Variants in MAPRE1 observed in about 807,000 individuals in gnomAD.
MAPRE1 encodes the protein microtubule-associated protein RP/EB family member 1.
MAPRE1 carries 5 observed loss-of-function variants against 32.1 expected under a neutral mutation model. That is an observed-to-expected ratio of 0.16 (90% CI 0.08 to 0.33). MAPRE1 has a LOEUF of 0.33. MAPRE1 is among the 10% of genes least tolerant of loss of function. The probability of loss-of-function intolerance (pLI) is 1.00; values close to 1 mark genes in which losing one functional copy is unlikely to be tolerated. For synonymous variants in MAPRE1, 122 were observed against 118.9 expected (o/e 1.03, Z -0.17); for missense variants, 209 against 327.2 (o/e 0.64, Z 2.79).
chr20:32,825,611 A>G (rs917909903), intron 1 of MAPRE1, among the ~76,000 whole-genome samples: 1 of 152,156 alleles, frequency 6.6e-6, no homozygotes, highest in Non-Finnish European at 1.5e-5. Context: ...CCTGGCCAAC[A>G]TGGTGAAACC....
At chr20:32,841,558 T>C (rs542097026) in intron 5 of MAPRE1, among the ~76,000 whole-genome samples, 1 of 151,914 alleles carries the variant, frequency 6.6e-6, no homozygotes, top group East Asian at 1.9e-4. Flanking sequence ...GCTGGTGCAC[T>C]GCACCCACTA....
chr20:32,821,213 C>G (rs922290238), intron 1 of MAPRE1, among the ~76,000 whole-genome samples: 2 of 152,192 alleles, frequency 1.3e-5, no homozygotes, highest in Non-Finnish European at 2.9e-5. Context: ...GACGAGGTTT[C>G]GCCATGTTGG....
At chr20:32,833,968 T>C in intron 3 of MAPRE1, 106 bp downstream of exon 3, 1 of 1,151,642 alleles carries the variant, frequency 8.7e-7, no homozygotes, top group South Asian at 1.9e-5. Flanking sequence ...TTTCTTAATT[T>C]ATCTAGTTAA....
chr20:32,823,731 A>T (rs1460228951), intron 1 of MAPRE1, among the ~76,000 whole-genome samples: 1 of 152,212 alleles, frequency 6.6e-6, no homozygotes, highest in Non-Finnish European at 1.5e-5. Flanking sequence ...TCTACAAAAA[A>T]TTAAAAAATT....
intron 5 of MAPRE1, among the ~76,000 whole-genome samples, chr20:32,844,839 G>T (rs933024173): frequency 2.0e-5 from 3 of 152,166 alleles, no homozygotes; most frequent in African/African-American, 7.2e-5. Flanking sequence ...TCTGCTTCCC[G>T]CTGGGGCTGG....
intron 2 of MAPRE1, among the ~76,000 whole-genome samples, 166 bp downstream of exon 2, chr20:32,826,214 CTTTTTTTTTTTT>C (rs3092521): frequency 9.2e-6 from 1 of 108,916 alleles, no homozygotes; most frequent in African/African-American, 4.0e-5. Flanking sequence ...TCCAAAGGAA[CTTTTTTTTTTTT>C]TTTTTTTTTT....
At chr20:32,826,138 CAG>C in intron 2 of MAPRE1, 90 bp downstream of exon 2, 1 of 1,301,938 alleles carries the variant, frequency 7.7e-7, no homozygotes, top group Admixed American at 1.9e-5. Context: ...AAGCCACACA[CAG>C]AGGTTCAGGG....
At chr20:32,833,687 T>C (rs774240434) in intron 2 of MAPRE1, 30 bp from the exon 3 acceptor site, 1 of 1,590,502 alleles carries the variant, frequency 6.3e-7, no homozygotes, top group Non-Finnish European at 8.6e-7. Context: ...CTTCTTTAAT[T>C]GTATTTTTCT....
chr20:32,829,430 A>G (rs745352339), intron 2 of MAPRE1, among the ~76,000 whole-genome samples: 34 of 152,330 alleles, frequency 2.2e-4, no homozygotes, highest in African/African-American at 7.5e-4. Context: ...TGCTTCCAGT[A>G]TGAGAGCAGA....
intron 4 of MAPRE1, 94 bp downstream of exon 4, chr20:32,836,935 G>C (rs949680900): frequency 1.5e-5 from 16 of 1,086,648 alleles, no homozygotes; most frequent in Non-Finnish European, 1.8e-5. Context: ...CATAGGCTTA[G>C]GGATCTTAAG....
At chr20:32,826,924 A>G (rs182586728) in intron 2 of MAPRE1, among the ~76,000 whole-genome samples, 186 of 152,244 alleles carry the variant, frequency 1.2e-3, no homozygotes, top group Non-Finnish European at 1.2e-3. Flanking sequence ...CTTGGTGTCT[A>G]TTATTGTGCA....
intron 4 of MAPRE1, among the ~76,000 whole-genome samples, chr20:32,839,143 A>G (rs79396740): frequency 0.031 from 4,735 of 152,248 alleles, 125 homozygotes; most frequent in South Asian, 0.043. Context: ...AATTCATGGG[A>G]AGAGCAGGCT....
At chr20:32,828,981 C>T (rs545735167) in intron 2 of MAPRE1, among the ~76,000 whole-genome samples, 2 of 151,630 alleles carry the variant, frequency 1.3e-5, no homozygotes, top group East Asian at 3.9e-4. Context: ...AGTGCAGTGG[C>T]GTGATCTCGG....
In MAPRE1 at chr20:32,850,267, T is replaced by C. The variant is rs1983608927; in HGVS notation, c.*1539T>C. The C allele has an allele frequency of 1.3e-5, 2 of 152,670 alleles. No homozygotes were observed. Among genetic ancestry groups the C allele is most frequent in the Admixed American group, 1.3e-4 (2 of 15,282 alleles). The allele number at this position is 152,670 out of a possible 1,614,324, so 9.5% of individuals were successfully genotyped here. A position where few individuals can be genotyped will look rare whatever the true frequency, so the allele number is the denominator to read the frequency against. ...CATTGTTCAAATGACAGTGGTGCTA[T>C]TTCTCTTTTGTGGCCTTTTAGACTT... is the stretch of plus-strand genomic sequence containing the variant. On this transcript the variant is annotated 3_prime_UTR_variant, in exon 7 of 7. Coordinates refer to ENST00000375571, the MANE Select transcript of MAPRE1 (RefSeq NM_012325.3).
chr20:32,831,020 A>T (rs1448097239), intron 2 of MAPRE1, among the ~76,000 whole-genome samples: 2 of 149,818 alleles, frequency 1.3e-5, no homozygotes, highest in East Asian at 4.1e-4. Flanking sequence ...CACCGCGCCC[A>T]GCCTCTTCAA....
chr20:32,824,301 G>A (rs781100784), intron 1 of MAPRE1, among the ~76,000 whole-genome samples: 1 of 152,192 alleles, frequency 6.6e-6, no homozygotes, highest in African/African-American at 2.4e-5. Context: ...AGACAATAAC[G>A]CCCACATTTA....
chr20:32,838,373 T>C (rs963886483), intron 4 of MAPRE1, among the ~76,000 whole-genome samples: 6 of 152,218 alleles, frequency 3.9e-5, no homozygotes, highest in African/African-American at 1.2e-4. Context: ...TATACCTCAT[T>C]TGATTCAGCA....
chr20:32,839,996 G>A (rs1178454161), intron 5 of MAPRE1, 140 bp downstream of exon 5: 9 of 1,190,848 alleles, frequency 7.6e-6, no homozygotes, highest in Non-Finnish European at 1.1e-5. Context: ...AGCCTCAGGT[G>A]CTGTGCGGGG....
At chr20:32,820,765 A>G (rs6119975) in intron 1 of MAPRE1, among the ~76,000 whole-genome samples, 2,417 of 152,200 alleles carry the variant, frequency 0.016, 69 homozygotes, top group African/African-American at 0.055. Flanking sequence ...TTCAGTCCCT[A>G]CTTCACAGTT....
Sources: gnomAD v4.1 joint callset for allele counts (sites outside exome capture counted in the v4.1 genomes callset) on GRCh38, gnomAD v4.1.1 for gene constraint, MANE v1.5 for transcripts, NCBI Gene and HGNC (gene_info 2026-07-23, HGNC 2026-07-21) for gene names.